ABCA13: variants seen among roughly 807,000 people sequenced by gnomAD.
The protein encoded by ABCA13 is ATP-binding cassette sub-family A member 13.
Under a neutral mutation model 478.7 loss-of-function variants are expected in ABCA13, and 476 were observed. The ratio of observed to expected loss-of-function variants is 0.99; its 90% CI spans 0.92 to 1.07. The LOEUF (loss-of-function observed/expected upper bound fraction) is 1.07. Ranked by LOEUF, ABCA13 falls within the 50% of genes least tolerant of loss-of-function variation. The probability of loss-of-function intolerance (pLI) is 0.00; values close to 1 mark genes in which losing one functional copy is unlikely to be tolerated. For missense variants in ABCA13, 6,060 were observed against 5,910.6 expected, an observed-to-expected ratio of 1.03 and a Z score of -0.83; for synonymous variants, 2,252 against 2,158.9, an observed-to-expected ratio of 1.04 and a Z score of -1.20.
chr7:48,270,606 C>A (rs1795469414), intron 16 of ABCA13, among the ~76,000 whole-genome samples: 1 of 152,026 alleles, frequency 6.6e-6, no homozygotes, highest in Admixed American at 6.6e-5. Flanking sequence ...GATTTTTTCC[C>A]TAGGAATTAT....
chr7:48,543,115 T>G (rs1393120816), intron 55 of ABCA13, among the ~76,000 whole-genome samples: 1 of 151,792 alleles, frequency 6.6e-6, no homozygotes, highest in African/African-American at 2.4e-5. Context: ...ATAAACACAT[T>G]GTTTATTCAA....
chr7:48,320,810 C>G (rs140494700), intron 27 of ABCA13, among the ~76,000 whole-genome samples: 1 of 152,218 alleles, frequency 6.6e-6, no homozygotes, highest in South Asian at 2.1e-4. Context: ...GAAAACAGAC[C>G]GTCTTATTTT....
intron 48 of ABCA13, among the ~76,000 whole-genome samples, chr7:48,505,515 A>G (rs1831124911): frequency 6.6e-6 from 1 of 152,180 alleles, no homozygotes; most frequent in African/African-American, 2.4e-5. Context: ...AATAAGCAAA[A>G]TCTAGGACTG....
chr7:48,493,386 TTAAA>T lies in ABCA13; in HGVS notation c.13291+4047_13291+4050del, dbSNP rs1213612389. 5.3e-5 allele frequency among the ~76,000 whole-genome samples: 8 copies of T among 152,154 alleles called. No individual in the cohort carries two copies. The East Asian group carries it at 1.5e-3, about 29-fold the overall frequency. On this transcript the variant is annotated intron_variant, in intron 48 of 61. Transcript: ENST00000435803. ...GGCATAATTTTGTTAAATTAAAATA[TTAAA>T]TAAAGATATAAAATAATGAACCTAA...
rs556206068 is a variant in ABCA13 at position 48,202,959 on chromosome 7, A to G, written c.287+4599A>G. 3.1e-4 allele frequency among the ~76,000 whole-genome samples: 47 copies of G among 152,316 alleles called. No individual in the cohort carries two copies. In the East Asian group the frequency reaches 8.5e-3, roughly 28 times the overall value. ...TCGATGGGACTGGGCGCCGTGGAGC[A>G]GGGGGCGGCGCTCGTCGGGGAGGCT... is the stretch of plus-strand genomic sequence containing the variant. On this transcript the variant is annotated intron_variant, in intron 3 of 61. Coordinates refer to ENST00000435803, the MANE Select transcript of ABCA13 (RefSeq NM_152701.5).
chr7:48,425,156 C>T (rs918241312), intron 41 of ABCA13, among the ~76,000 whole-genome samples: 28 of 152,286 alleles, frequency 1.8e-4, no homozygotes, highest in African/African-American at 6.0e-4. Flanking sequence ...TCCTCTAACA[C>T]ACACATGCCC....
Position 48,388,926 on chromosome 7 carries a change from G to T in ABCA13, c.11474-114G>T, listed in dbSNP as rs1815610080. On this transcript the variant is annotated intron_variant, in intron 36 of 61. Coordinates refer to ENST00000435803, the MANE Select transcript of ABCA13 (RefSeq NM_152701.5). Reference sequence around the variant, plus strand: ...AAGAAAGATTTTTGAGTTGATTTGTGTGCTTCACAGAGCTGGAATTCAATT... The same window carrying T: ...AAGAAAGATTTTTGAGTTGATTTGTTTGCTTCACAGAGCTGGAATTCAATT... 102 of 1,219,826 alleles carry T rather than the reference G, an allele frequency of 8.4e-5. 1 individual carries two copies. In the South Asian group the frequency reaches 1.3e-3, roughly 15 times the overall value. The allele number at this position is 1,219,826 out of a possible 1,614,324, so 75.6% of individuals were successfully genotyped here.
intron 1 of ABCA13, among the ~76,000 whole-genome samples, chr7:48,176,103 G>A (rs1794838585): frequency 6.6e-6 from 1 of 152,098 alleles, no homozygotes; most frequent in African/African-American, 2.4e-5. Context: ...GTTGTCTCCA[G>A]GATCCTACAT....
At chr7:48,375,992 C>T (rs1813417434) in intron 34 of ABCA13, among the ~76,000 whole-genome samples, 3 of 151,998 alleles carry the variant, frequency 2.0e-5, no homozygotes, top group Admixed American at 6.6e-5. Context: ...AATCACAAAC[C>T]TATTGTAAAA....
At chr7:48,567,254 C>T (rs1310364271) in intron 55 of ABCA13, among the ~76,000 whole-genome samples, 1 of 152,002 alleles carries the variant, frequency 6.6e-6, no homozygotes, top group Non-Finnish European at 1.5e-5. Context: ...TCCCTGTGTT[C>T]GCAGAGTGCT....
Position 48,520,361 on chromosome 7 carries a change from C to T in ABCA13, c.14051+67C>T. 3 of 1,487,062 alleles carry T rather than the reference C, an allele frequency of 2.0e-6. 1 individual carries two copies. Among genetic ancestry groups the T allele is most frequent in the Non-Finnish European group, 1.8e-6 (2 of 1,113,172 alleles). 92.1% of individuals were successfully genotyped at this position (1,487,062 alleles called of 1,614,324 possible). A position where few individuals can be genotyped will look rare whatever the true frequency, so the allele number is the denominator to read the frequency against. On this transcript the variant is annotated intron_variant, in intron 53 of 61. Transcript: ENST00000435803. ...GCAAAATGAGAGGAAGAGAAAAATT[C>T]ATCCTGGAGGTTGTAAAATAAAAAT...
At chr7:48,213,644 C>T (rs1007280645) in intron 3 of ABCA13, among the ~76,000 whole-genome samples, 5 of 152,168 alleles carry the variant, frequency 3.3e-5, no homozygotes, top group African/African-American at 1.2e-4. Flanking sequence ...TTCTCTGTAG[C>T]ATATGATGCT....
chr7:48,332,744 C>T (rs1487269594), intron 27 of ABCA13, among the ~76,000 whole-genome samples: 5 of 152,094 alleles, frequency 3.3e-5, no homozygotes, highest in Admixed American at 2.0e-4. Context: ...TCTTTTCTTA[C>T]GTCGTGATAA....
At chr7:48,226,597 G>GC (rs1788237657) in intron 5 of ABCA13, among the ~76,000 whole-genome samples, 1 of 152,200 alleles carries the variant, frequency 6.6e-6, no homozygotes, top group African/African-American at 2.4e-5. Context: ...ACCAGCAACT[G>GC]TGGAGCTTGG....
intron 55 of ABCA13, among the ~76,000 whole-genome samples, chr7:48,552,442 T>G (rs1014482211): frequency 6.6e-6 from 1 of 151,820 alleles, no homozygotes; most frequent in Admixed American, 6.6e-5. Flanking sequence ...GAATTCTCTC[T>G]GCTTACTTTG....
chr7:48,354,568 C>T (rs948614924), intron 31 of ABCA13, among the ~76,000 whole-genome samples: 6 of 152,086 alleles, frequency 3.9e-5, no homozygotes, highest in East Asian at 1.9e-4. Flanking sequence ...CAGCCTAAAA[C>T]GTTGGAATGA....
chr7:48,491,866 A>C (rs1829870526), intron 48 of ABCA13, among the ~76,000 whole-genome samples: 1 of 152,200 alleles, frequency 6.6e-6, no homozygotes, highest in Admixed American at 6.5e-5. Flanking sequence ...CCCAATGTGG[A>C]ACTTCAGTAA....
chr7:48,180,258 C>A (rs1795481037), intron 1 of ABCA13, among the ~76,000 whole-genome samples: 1 of 152,182 alleles, frequency 6.6e-6, no homozygotes, highest in Non-Finnish European at 1.5e-5. Context: ...GCCTTGAACT[C>A]CATGTCCACA....
At chr7:48,221,366 T>C in intron 5 of ABCA13, 57 bp downstream of exon 5, 1 of 816,636 alleles carries the variant, frequency 1.2e-6, no homozygotes. Context: ...TGGTTAAGTT[T>C]ACAACACTGT....
Sources: allele counts gnomAD v4.1 joint callset (sites outside exome capture counted in the v4.1 genomes callset), GRCh38; gene constraint gnomAD v4.1.1; transcripts MANE v1.5; gene names NCBI Gene and HGNC (gene_info 2026-07-23, HGNC 2026-07-21).